The following CSMD1 variants were observed in gnomAD, a reference collection of about 807,000 sequenced individuals.
The protein encoded by CSMD1 is CUB and sushi domain-containing protein 1.
A neutral mutation model predicts 417.5 loss-of-function variants in CSMD1; 213 were observed. The ratio of observed to expected loss-of-function variants is 0.51; its 90% confidence interval spans 0.46 to 0.57. CSMD1 has a LOEUF of 0.57. Among genes scored for constraint, CSMD1 ranks in the 20% least tolerant of loss-of-function variants. The pLI is 0.00. For missense variants in CSMD1, 6,923 were observed against 4,529.7 expected (o/e 1.53, Z -15.17); for synonymous variants, 2,862 against 1,736.8 (o/e 1.65, Z -16.11).
At chr8:3,469,497 AAAAC>A (rs1341249203) in intron 11 of CSMD1, among the ~76,000 whole-genome samples, 1 of 152,194 alleles carries the variant, frequency 6.6e-6, no homozygotes, top group East Asian at 1.9e-4. Context: ...GTGCATTAAC[AAAAC>A]AGTCACATAG....
chr8:3,787,363 G>T (rs2720871), intron 5 of CSMD1, among the ~76,000 whole-genome samples: 114,496 of 152,070 alleles, frequency 0.75, 43,279 homozygotes, highest in Middle Eastern at 0.82. Context: ...CATTTTGCTT[G>T]CAAAATCAAT....
At chr8:4,975,310 G>A (rs1316984746) in intron 1 of CSMD1, among the ~76,000 whole-genome samples, 3 of 152,180 alleles carry the variant, frequency 2.0e-5, no homozygotes, top group Non-Finnish European at 4.4e-5. Flanking sequence ...AAGAGAGACT[G>A]TAGATTATTG....
intron 26 of CSMD1, among the ~76,000 whole-genome samples, chr8:3,244,793 C>G (rs1343028460): frequency 6.6e-6 from 1 of 152,174 alleles, no homozygotes; most frequent in African/African-American, 2.4e-5. Context: ...GCACACCCTC[C>G]AAGCATCATA....
chr8:3,306,378 T>A (rs1804847904), intron 25 of CSMD1, among the ~76,000 whole-genome samples: 1 of 152,218 alleles, frequency 6.6e-6, no homozygotes, highest in South Asian at 2.1e-4. Context: ...TTTGCCATGC[T>A]GGCCAGGCTG....
intron 7 of CSMD1, among the ~76,000 whole-genome samples, chr8:3,621,985 G>A (rs1796269605): frequency 1.7e-5 from 2 of 116,316 alleles, no homozygotes; most frequent in African/African-American, 3.2e-5. Context: ...CTTTGTGTGT[G>A]TGTGTATGTG....
intron 5 of CSMD1, among the ~76,000 whole-genome samples, chr8:3,782,433 G>C (rs996904239): frequency 6.6e-6 from 1 of 152,136 alleles, no homozygotes; most frequent in Non-Finnish European, 1.5e-5. Context: ...CAACAACCCT[G>C]AATTCAGGAC....
At chr8:3,531,801 G>C (rs540990706) in intron 10 of CSMD1, among the ~76,000 whole-genome samples, 4 of 152,200 alleles carry the variant, frequency 2.6e-5, no homozygotes, top group Admixed American at 2.6e-4. Flanking sequence ...CAAGCTAGAA[G>C]CTTACACAGG....
chr8:3,086,628 C>CA lies in CSMD1; in HGVS notation c.7474+468dup, dbSNP rs966436520. 3.5e-3 allele frequency among the ~76,000 whole-genome samples: 533 copies of CA among 150,610 alleles called. 1 individual carries two copies. The highest frequency in any genetic ancestry group is 0.011 in the African/African-American group (461 of 41,068). On this transcript the variant is annotated intron_variant, in intron 49 of 69. Coordinates refer to ENST00000635120, the MANE Select transcript of CSMD1 (RefSeq NM_033225.6). The stretch of plus-strand genomic sequence containing the variant: ...TTTATGCACATGATAGATAAAATGC[C>CA]AAAAAAAAGGCATGAAATACTGAAA...
intron 5 of CSMD1, among the ~76,000 whole-genome samples, chr8:3,830,978 G>C (rs1218457129): frequency 6.6e-6 from 1 of 152,030 alleles, no homozygotes; most frequent in African/African-American, 2.4e-5. Context: ...ATTAACACAT[G>C]GTCACCTTTT....
rs570732160 is a variant in CSMD1, at chr8:4,291,868, G to A, written c.415+128085C>T. Among the ~76,000 whole-genome samples the A allele has an allele frequency of 4.3e-4, 65 of 152,314 alleles. 1 individual carries two copies. In the East Asian group the frequency reaches 0.012, roughly 29 times the overall value. On this transcript the variant is annotated intron_variant, in intron 3 of 69. Transcript: ENST00000635120. ...ATAATTAACTCATGTGAAATTAGAA[G>A]TTTCCTTTCAGGTGGACAATTTGTT...
intron 3 of CSMD1, among the ~76,000 whole-genome samples, chr8:4,406,518 A>G (rs939519939): frequency 1.3e-5 from 2 of 152,190 alleles, no homozygotes; most frequent in African/African-American, 2.4e-5. Context: ...AGTTGATATT[A>G]CTTTTCATTC....
At chr8:3,385,049 TATATA>T (rs1286158427) in intron 18 of CSMD1, among the ~76,000 whole-genome samples, 1 of 115,218 alleles carries the variant, frequency 8.7e-6, no homozygotes, top group Admixed American at 1.2e-4. Context: ...AATATATAAA[TATATA>T]ATATATAATA....
chr8:3,340,393 T>G (rs1163497338), intron 23 of CSMD1, among the ~76,000 whole-genome samples: 5 of 152,224 alleles, frequency 3.3e-5, no homozygotes, highest in Non-Finnish European at 7.3e-5. Flanking sequence ...TAGGGTTTTT[T>G]TTTATTAAGC....
chr8:3,555,194 G>A (rs1396989941), intron 10 of CSMD1, among the ~76,000 whole-genome samples: 3 of 152,002 alleles, frequency 2.0e-5, no homozygotes, highest in African/African-American at 7.2e-5. Context: ...GGGAGGTGTA[G>A]GGAAAGATGG....
chr8:4,415,866 A>T (rs1444793519), intron 3 of CSMD1, among the ~76,000 whole-genome samples: 1 of 152,200 alleles, frequency 6.6e-6, no homozygotes, highest in African/African-American at 2.4e-5. Flanking sequence ...TAATATATAC[A>T]AGAGGAAACA....
chr8:3,769,223 C>A (rs1428822869), intron 5 of CSMD1, among the ~76,000 whole-genome samples: 1 of 152,200 alleles, frequency 6.6e-6, no homozygotes, highest in Non-Finnish European at 1.5e-5. Flanking sequence ...ACACCTACAA[C>A]ACTCGAAGGC....
intron 7 of CSMD1, among the ~76,000 whole-genome samples, chr8:3,700,283 A>G (rs1024679784): frequency 1.3e-5 from 2 of 152,222 alleles, no homozygotes; most frequent in African/African-American, 4.8e-5. Flanking sequence ...TTTTTTACAA[A>G]AGAAAATATA....
intron 5 of CSMD1, among the ~76,000 whole-genome samples, chr8:3,943,119 G>C (rs537225901): frequency 1.2e-4 from 19 of 152,118 alleles, no homozygotes; most frequent in Middle Eastern, 3.4e-3. Flanking sequence ...ATTTATGTTT[G>C]TCATTAAACA....
At chr8:4,122,256 A>C (rs1300374026) in intron 3 of CSMD1, among the ~76,000 whole-genome samples, 1 of 152,102 alleles carries the variant, frequency 6.6e-6, no homozygotes, top group Non-Finnish European at 1.5e-5. Flanking sequence ...TTGACTTCGT[A>C]CATTTCTTAA....
Sources: gnomAD v4.1 joint callset for allele counts (sites outside exome capture counted in the v4.1 genomes callset) on GRCh38, gnomAD v4.1.1 for gene constraint, MANE v1.5 for transcripts, NCBI Gene and HGNC (gene_info 2026-07-23, HGNC 2026-07-21) for gene names.